RPL17: variants seen among roughly 807,000 people sequenced by gnomAD.
RPL17 encodes the protein large ribosomal subunit protein uL22.
In RPL17, 2 loss-of-function variants were observed where a neutral mutation model predicts 27.7. The observed-to-expected ratio is 0.07, with a 90% CI of 0.03 to 0.23. The LOEUF is 0.23. Among genes scored for constraint, RPL17 ranks in the 10% least tolerant of loss-of-function variants. RPL17 has a pLI of 1.00. For missense variants in RPL17, 141 were observed against 238.8 expected (o/e 0.59, Z 2.70); for synonymous variants, 76 against 75.5 (o/e 1.01, Z -0.03).
intron 5 of RPL17, among the ~76,000 whole-genome samples, chr18:49,489,965 C>G (rs1052869165): frequency 2.6e-5 from 4 of 152,162 alleles, no homozygotes; most frequent in Admixed American, 1.3e-4. Flanking sequence ...GGGTAATATA[C>G]AAAATGGAGA....
At chr18:49,491,139 T>A in intron 3 of RPL17, 2 of 908,736 alleles carry the variant, frequency 2.2e-6, no homozygotes, top group South Asian at 1.6e-5. Flanking sequence ...ATAAAACGTT[T>A]AAATTCCATC....
rs376264810 is a variant in RPL17 at position 49,491,513 on chromosome 18, C to G, written c.40+19G>C. 4.3e-6 allele frequency: 7 copies of G among 1,614,192 alleles called. No individual in the cohort carries two copies. Among genetic ancestry groups the G allele is most frequent in the Non-Finnish European group, 5.9e-6 (7 of 1,180,036 alleles). ...CAAGCCCCAAGTAGGAAATGGGTAT[C>G]TACCTCCTGTCCACTTACATTTCGT... On this transcript the variant is annotated intron_variant, in intron 2 of 6. Transcript: ENST00000580261.
Position 49,490,946 on chromosome 18 carries a change from G to A in RPL17, c.82-19C>T. ...GAGTGTTCTAAGTATGAAGAATAAA[G>A]TGTTGGTTAACTAGATCAAAGCTTT... On this transcript the variant is annotated intron_variant, in intron 3 of 6. Transcript: ENST00000580261. The A allele has an allele frequency of 6.2e-7, 1 of 1,613,556 alleles. No homozygotes were observed. Among genetic ancestry groups the A allele is most frequent in the Non-Finnish European group, 8.5e-7 (1 of 1,179,846 alleles).
chr18:49,489,605 C>T, intron 5 of RPL17, 55 bp from the exon 6 acceptor site: 1 of 1,550,246 alleles, frequency 6.5e-7, no homozygotes, highest in East Asian at 2.2e-5. Context: ...TAGTAAAACA[C>T]CACAAACTAT....
intron 5 of RPL17, chr18:49,490,127 A>G (rs201990620): frequency 2.0e-4 from 51 of 256,304 alleles, no homozygotes; most frequent in East Asian, 7.8e-4. Context: ...ATAATTAATC[A>G]TACTACCAAA....
chr18:49,489,567 G>A lies in RPL17; in HGVS notation c.316-17C>T, dbSNP rs759837993. Reference sequence around the variant, plus strand: ...ATCTAAACCCTGGGGAAGAAAGGAAGGAGAATGAAACCAGGAACATCCTTA... The same window carrying A: ...ATCTAAACCCTGGGGAAGAAAGGAAAGAGAATGAAACCAGGAACATCCTTA... On this transcript the variant is annotated splice_polypyrimidine_tract_variant and intron_variant, in intron 5 of 6. Coordinates refer to ENST00000580261, the MANE Select transcript of RPL17 (RefSeq NM_001035006.5). 2 of 1,598,716 alleles carry A rather than the reference G, an allele frequency of 1.3e-6. No individual in the cohort carries two copies. Among genetic ancestry groups the A allele is most frequent in the Non-Finnish European group, 1.7e-6 (2 of 1,179,056 alleles).
intron 4 of RPL17, 39 bp from the exon 5 acceptor site, chr18:49,490,591 T>A: frequency 6.2e-7 from 1 of 1,612,688 alleles, no homozygotes; most frequent in Non-Finnish European, 8.5e-7. Context: ...TTTCCTTGAT[T>A]TAAATTAACA....
chr18:49,491,365 A>C (rs2084063785), intron 3 of RPL17, 40 bp downstream of exon 3: 3 of 1,614,076 alleles, frequency 1.9e-6, no homozygotes, highest in East Asian at 4.5e-5. Context: ...TTTTGAGTGG[A>C]ACATGAGGAA....
At chr18:49,491,647 A>G in intron 1 of RPL17, 63 bp from the exon 2 acceptor site, 1 of 1,578,142 alleles carries the variant, frequency 6.3e-7, no homozygotes, top group Non-Finnish European at 8.7e-7. Flanking sequence ...CAGTATAAAT[A>G]TCAGATGATT....
At chr18:49,491,796 C>A (rs1358243986) in intron 1 of RPL17, 9 of 760,014 alleles carry the variant, frequency 1.2e-5, no homozygotes, top group Non-Finnish European at 1.9e-5. Flanking sequence ...ACTGCTTCCA[C>A]AGAAGTAGCC....
chr18:49,490,463 A>G lies in RPL17; in HGVS notation c.306T>C (p.Ala102=). Residue 102 remains alanine, a synonymous_variant, in exon 5 of 7, where the codon GCT becomes GCC. Transcript: ENST00000580261. The stretch of plus-strand genomic sequence containing the variant: ...TTAGTGGTTTGGGTACCTTAAGTTC[A>G]GCATTACTCTCTGCGTTTTTAAGCA... ...LHMLKNAESN[A]ELKGLDVDSL... is the part of the protein sequence containing the mutation. 2 of 1,613,958 alleles carry G rather than the reference A, an allele frequency of 1.2e-6. No individual in the cohort carries two copies. The highest frequency in any genetic ancestry group is 1.7e-6 in the Non-Finnish European group (2 of 1,179,858).
intron 1 of RPL17, chr18:49,491,827 G>A (rs1182274054): frequency 2.8e-6 from 2 of 711,854 alleles, no homozygotes; most frequent in Non-Finnish European, 2.6e-6. Context: ...CACCAATCCA[G>A]TCAACCCTTT....
rs748807979 is a variant in RPL17 at position 49,488,524 on chromosome 18, C to A, written c.550G>T (p.Glu184Ter). The A allele has an allele frequency of 5.9e-6, 9 of 1,525,410 alleles. No individual in the cohort carries two copies. In the South Asian group the frequency reaches 1.0e-4, roughly 17 times the overall value. 94.5% of individuals were successfully genotyped at this position (1,525,410 alleles called of 1,614,324 possible). The change falls in exon 7 of 7, where the codon GAG becomes TAG. Residue 184 changes from glutamate to a stop codon, truncating the protein, a stop_gained. Transcript: ENST00000580261. LOFTEE classifies it high-confidence loss of function. ...KLKKQKLMAR[E>*] is the part of the protein sequence containing the mutation. ...CATTTATTTTAATGCTGAATTTACT[C>A]CCGTGCCATAAGTTTTTGTTTCTTC...
chr18:49,489,763 A>T (rs564675514), intron 5 of RPL17, among the ~76,000 whole-genome samples: 4 of 152,164 alleles, frequency 2.6e-5, no homozygotes, highest in Non-Finnish European at 5.9e-5. Context: ...CACCAAACTC[A>T]GTGTGCTATA....
chr18:49,490,960 G>C (rs760134147), intron 3 of RPL17, 33 bp from the exon 4 acceptor site: 2 of 1,608,778 alleles, frequency 1.2e-6, no homozygotes, highest in East Asian at 2.2e-5. Flanking sequence ...TGGTTAACTA[G>C]ATCAAAGCTT....
intron 1 of RPL17, 103 bp from the exon 2 acceptor site, chr18:49,491,687 C>G: frequency 7.2e-7 from 1 of 1,390,566 alleles, no homozygotes; most frequent in Non-Finnish European, 1.0e-6. Flanking sequence ...TAGTTGTTTT[C>G]ATTATTAATC....
chr18:49,490,755 A>G, intron 4 of RPL17, 38 bp downstream of exon 4: 1 of 1,612,766 alleles, frequency 6.2e-7, no homozygotes. Flanking sequence ...CTTTTCCATT[A>G]AAATCTGTCT....
rs1409002798 is a variant in RPL17, at chr18:49,491,096, C to T, written c.82-169G>A. The T allele has an allele frequency of 3.8e-5, 42 of 1,098,230 alleles. 2 individuals are homozygous for T. In the South Asian group the frequency reaches 5.8e-4, roughly 15 times the overall value. The allele number at this position is 1,098,230 out of a possible 1,614,324, so 68.0% of individuals were successfully genotyped here. ...AAAAGCCAGGTAAACTTCGTTGAAG[C>T]TAGAGAAAACTCCAAAACTCCATTT... On this transcript the variant is annotated intron_variant, in intron 3 of 6. Transcript: ENST00000580261.
intron 1 of RPL17, chr18:49,491,847 T>TA (rs2084114853): frequency 3.1e-6 from 2 of 644,142 alleles, no homozygotes; most frequent in Non-Finnish European, 5.7e-6. Flanking sequence ...TGGAAGAAAA[T>TA]ACAGCCTGTT....
Sources: gnomAD v4.1 joint callset for allele counts (sites outside exome capture counted in the v4.1 genomes callset) on GRCh38, gnomAD v4.1.1 for gene constraint, MANE v1.5 for transcripts, NCBI Gene and HGNC (gene_info 2026-07-23, HGNC 2026-07-21) for gene names.